Variants in RTN4 observed in about 807,000 individuals in gnomAD.
RTN4 encodes the protein reticulon 4, also known as reticulon-4.
A neutral mutation model predicts 90.4 loss-of-function variants in RTN4; 32 were observed. That is an observed-to-expected ratio of 0.35 (90% CI 0.27 to 0.48). The LOEUF is 0.48. RTN4 is among the 20% of genes least tolerant of loss of function. The probability of loss-of-function intolerance (pLI) is 0.99; values close to 1 mark genes in which losing one functional copy is unlikely to be tolerated. For missense variants in RTN4, 1,706 were observed against 1,430.2 expected, an observed-to-expected ratio of 1.19 and a Z score of -3.11; for synonymous variants, 629 against 552.5, an observed-to-expected ratio of 1.14 and a Z score of -1.94.
chr2:55,039,516 C>T (rs1014543728), intron 1 of RTN4, among the ~76,000 whole-genome samples: 31 of 152,292 alleles, frequency 2.0e-4, no homozygotes, highest in Admixed American at 7.2e-4. Flanking sequence ...AGGCCAGGCG[C>T]GCTCGCTCAC....
At chr2:55,053,478 G>A (rs12479310), upstream of RTN4, among the ~76,000 whole-genome samples, 16,060 of 151,834 alleles carry the variant, frequency 0.11, 851 homozygotes, top group Middle Eastern at 0.15. Flanking sequence ...CTTGAGGTCA[G>A]GAGTTTGAGA....
chr2:55,036,131 C>A (rs1204138908), intron 1 of RTN4, among the ~76,000 whole-genome samples: 2 of 152,064 alleles, frequency 1.3e-5, no homozygotes, highest in Non-Finnish European at 2.9e-5. Flanking sequence ...ATACCAAAAC[C>A]AGACAAGGAT....
Position 55,027,342 on chromosome 2 carries a change from C to T in RTN4, c.757G>A (p.Gly253Ser). 6.2e-7 allele frequency: 1 copy of T among 1,613,514 alleles called. No homozygotes were observed. ...AASFKEHEYLGNLSTVLPTEG... is the reference protein window; with the variant it reads ...AASFKEHEYLSNLSTVLPTEG... ...GTGGGTAATACTGTTGACAAATTAC[C>T]AAGGTATTCATGTTCTTTGAAAGAA... Residue 253 changes from glycine (G) to serine (S), a missense_variant, in exon 3 of 9, where the codon GGT becomes AGT. Physicochemically the swap from Gly to Ser is moderately conservative, Grantham distance 56. Transcript: ENST00000337526.
At chr2:55,037,412 T>C (rs933220604) in intron 1 of RTN4, among the ~76,000 whole-genome samples, 3 of 152,260 alleles carry the variant, frequency 2.0e-5, no homozygotes, top group African/African-American at 4.8e-5. Context: ...CTTCAGCAAC[T>C]AGCAGCCATG....
intron 3 of RTN4, 80 bp downstream of exon 3, chr2:55,025,006 A>G: frequency 6.8e-7 from 1 of 1,481,244 alleles, no homozygotes; most frequent in East Asian, 2.3e-5. Context: ...TAAACATAAT[A>G]TAAAACACAA....
intron 6 of RTN4, 195 bp from the exon 7 acceptor site, chr2:54,974,062 C>CAGTT: frequency 1.9e-6 from 1 of 519,234 alleles, no homozygotes; most frequent in Non-Finnish European, 3.4e-6. Flanking sequence ...TGTGAGGCTG[C>CAGTT]AGTTATTAGA....
intron 2 of RTN4, among the ~76,000 whole-genome samples, chr2:55,079,497 G>C (rs1376820789): frequency 6.6e-6 from 1 of 152,194 alleles, no homozygotes; most frequent in Non-Finnish European, 1.5e-5. Context: ...TAAAGTGGCA[G>C]AAGACGATGA....
intron 1 of RTN4, among the ~76,000 whole-genome samples, chr2:55,101,832 C>A (rs967826870): frequency 1.3e-5 from 2 of 152,202 alleles, no homozygotes; most frequent in East Asian, 3.9e-4. Context: ...TTTTTCACTA[C>A]ATAAGAGCTA....
At chr2:55,044,125 G>A (rs1317430737) in intron 1 of RTN4, among the ~76,000 whole-genome samples, 3 of 152,244 alleles carry the variant, frequency 2.0e-5, no homozygotes, top group Non-Finnish European at 4.4e-5. Flanking sequence ...GAGCCCAGAA[G>A]ATGAGGCTGC....
chr2:55,132,273 C>T, the RTN4 span, among the ~76,000 whole-genome samples: 36 of 152,054 alleles, frequency 2.4e-4, no homozygotes, highest in Middle Eastern at 3.4e-3. Flanking sequence ...GAGGCTGAGG[C>T]GGGCGAATCA....
chr2:55,135,785 T>G, the RTN4 span, among the ~76,000 whole-genome samples: 2 of 152,214 alleles, frequency 1.3e-5, no homozygotes, highest in African/African-American at 4.8e-5. Flanking sequence ...GAGTTTGCAT[T>G]TGCTAGAATT....
chr2:55,100,577 C>T (rs1667834487), intron 1 of RTN4, among the ~76,000 whole-genome samples: 1 of 152,084 alleles, frequency 6.6e-6, no homozygotes, highest in African/African-American at 2.4e-5. Flanking sequence ...CATTAGACCC[C>T]AACAAAGCCT....
At chr2:55,112,622 G>C (rs1668058458), upstream of RTN4, 1 of 152,358 alleles carries the variant, frequency 6.6e-6, no homozygotes, top group Non-Finnish European at 1.5e-5. Context: ...CAGAGGCCCT[G>C]CTGGAACCTG....
At chr2:55,021,364 C>T (rs1018180290) in intron 3 of RTN4, among the ~76,000 whole-genome samples, 1 of 150,116 alleles carries the variant, frequency 6.7e-6, no homozygotes, top group Non-Finnish European at 1.5e-5. Context: ...AAGCGCAAAA[C>T]TTTGTCTTAG....
At chr2:54,973,900 A>T (rs1484199946) in intron 6 of RTN4, 33 bp from the exon 7 acceptor site, 4 of 1,592,420 alleles carry the variant, frequency 2.5e-6, no homozygotes, top group Non-Finnish European at 3.4e-6. Flanking sequence ...TTTCAAAAAG[A>T]ACGGAATGAT....
chr2:54,994,817 G>T (rs1385407895), intron 3 of RTN4, among the ~76,000 whole-genome samples: 1 of 152,206 alleles, frequency 6.6e-6, no homozygotes, highest in African/African-American at 2.4e-5. Flanking sequence ...TCACTTAAAT[G>T]TTGAGGATAG....
chr2:54,996,941 A>G (rs1679475798), intron 3 of RTN4, among the ~76,000 whole-genome samples: 2 of 152,210 alleles, frequency 1.3e-5, no homozygotes, highest in Non-Finnish European at 2.9e-5. Context: ...TAAGAAAAAA[A>G]TAAGTGTAAA....
At position 54,974,675 on chromosome 2, in the gene RTN4, CAATG is replaced by C. The variant is rs1347104801; in HGVS notation, c.3430+16_3430+19del. The C allele has an allele frequency of 3.8e-6, 6 of 1,586,996 alleles. No homozygotes were observed. Among genetic ancestry groups the C allele is most frequent in the Non-Finnish European group, 5.2e-6 (6 of 1,155,876 alleles). ...CAATCTTTCCAGCAATTTTTCATCC[CAATG>C]GCTTTGTAGACTTACCCAAAATCAG... On this transcript the variant is annotated intron_variant, in intron 6 of 8. Coordinates refer to ENST00000337526, the MANE Select transcript of RTN4 (RefSeq NM_020532.5).
intron 1 of RTN4, among the ~76,000 whole-genome samples, chr2:55,110,608 A>G (rs1415524318): frequency 6.6e-6 from 1 of 152,230 alleles, no homozygotes; most frequent in East Asian, 1.9e-4. Flanking sequence ...ACCAATGTCA[A>G]TCTATCTGAG....
Sources: gnomAD v4.1 joint callset for allele counts (sites outside exome capture counted in the v4.1 genomes callset) on GRCh38, gnomAD v4.1.1 for gene constraint, MANE v1.5 for transcripts, NCBI Gene and HGNC (gene_info 2026-07-23, HGNC 2026-07-21) for gene names.